PCDHA9: variants seen among roughly 807,000 people sequenced by gnomAD.
The protein encoded by PCDHA9 is protocadherin alpha-9.
A neutral mutation model predicts 62.0 loss-of-function variants in PCDHA9; 62 were observed. The ratio of observed to expected loss-of-function variants is 1.00; its 90% CI spans 0.81 to 1.23. PCDHA9 has a LOEUF of 1.23. PCDHA9 is among the 50% of genes most tolerant of loss of function. The pLI, the probability that PCDHA9 is intolerant of heterozygous loss-of-function variation, is 0.00. For synonymous variants in PCDHA9, 557 were observed against 567.6 expected, an observed-to-expected ratio of 0.98 and a Z score of 0.27; for missense variants, 1,205 against 1,249.8, an observed-to-expected ratio of 0.96 and a Z score of 0.54.
chr5:140,873,837 T>C (rs554313859), intron 1 of PCDHA9, among the ~76,000 whole-genome samples: 1 of 152,210 alleles, frequency 6.6e-6, no homozygotes, highest in South Asian at 2.1e-4. Context: ...ATTTTTGTAT[T>C]TTTAGTAGAG....
chr5:140,858,616 T>G (rs1562539811), intron 1 of PCDHA9: 1 of 1,182,404 alleles, frequency 8.5e-7, no homozygotes, highest in Non-Finnish European at 1.2e-6. Context: ...TTTTTTATCC[T>G]ACCCAGTGTG....
At chr5:140,917,335 G>GGGGGGGGGGT in intron 1 of PCDHA9, among the ~76,000 whole-genome samples, 2 of 146,518 alleles carry the variant, frequency 1.4e-5, no homozygotes, top group Non-Finnish European at 3.1e-5. Flanking sequence ...GGGGGAGGGG[G>GGGGGGGGGGT]GGGATGGTGT....
chr5:140,972,854 G>A (rs895738831), intron 1 of PCDHA9, among the ~76,000 whole-genome samples: 4 of 151,946 alleles, frequency 2.6e-5, no homozygotes, highest in Non-Finnish European at 4.4e-5. Flanking sequence ...AGTAGAGATG[G>A]GGTTTCATCA....
chr5:140,862,449 G>A (rs904755604), intron 1 of PCDHA9: 31 of 364,384 alleles, frequency 8.5e-5, no homozygotes, highest in African/African-American at 6.4e-4. Context: ...ACTCCACAGC[G>A]CCCTGGACCA....
At chr5:140,976,310 G>A (rs1216220776) in intron 1 of PCDHA9, among the ~76,000 whole-genome samples, 1 of 152,036 alleles carries the variant, frequency 6.6e-6, no homozygotes, top group African/African-American at 2.4e-5. Context: ...CAGCACTTTG[G>A]GAGGCCGAGG....
At chr5:140,975,940 G>A (rs562983011) in intron 1 of PCDHA9, among the ~76,000 whole-genome samples, 1 of 152,216 alleles carries the variant, frequency 6.6e-6, no homozygotes, top group Admixed American at 6.5e-5. Flanking sequence ...TGAAGCAATA[G>A]GACATATTAG....
At chr5:140,874,310 T>G (rs1466164009) in intron 1 of PCDHA9, among the ~76,000 whole-genome samples, 1 of 151,992 alleles carries the variant, frequency 6.6e-6, no homozygotes, top group Non-Finnish European at 1.5e-5. Context: ...TCACAATGAG[T>G]TGTAGGATCT....
chr5:140,966,514 A>G (rs2096013065), intron 1 of PCDHA9: 1 of 434,820 alleles, frequency 2.3e-6, no homozygotes, highest in Non-Finnish European at 4.0e-6. Flanking sequence ...CAGCAGCAGC[A>G]GGAAGCCGAG....
chr5:140,917,039 A>G (rs1279228933), intron 1 of PCDHA9, among the ~76,000 whole-genome samples: 1 of 152,132 alleles, frequency 6.6e-6, no homozygotes, highest in African/African-American at 2.4e-5. Flanking sequence ...TGAGTCCAGC[A>G]CAGTGTTGTT....
chr5:140,944,334 C>T (rs547924304), intron 1 of PCDHA9, among the ~76,000 whole-genome samples: 131 of 152,138 alleles, frequency 8.6e-4, no homozygotes, highest in African/African-American at 3.0e-3. Flanking sequence ...ATTACAAGCA[C>T]GTGCCACCAC....
At chr5:140,894,503 T>C (rs934592222) in intron 1 of PCDHA9, among the ~76,000 whole-genome samples, 1 of 152,016 alleles carries the variant, frequency 6.6e-6, no homozygotes. Context: ...TTAGGCATTA[T>C]CCATAGTGTT....
chr5:140,871,919 A>G (rs1434717967), intron 1 of PCDHA9, among the ~76,000 whole-genome samples: 1 of 152,216 alleles, frequency 6.6e-6, no homozygotes, highest in African/African-American at 2.4e-5. Context: ...TGATATTTCC[A>G]CATTGTTAGA....
chr5:140,898,711 T>A (rs1280268769), intron 1 of PCDHA9, among the ~76,000 whole-genome samples: 2 of 152,226 alleles, frequency 1.3e-5, no homozygotes, highest in Non-Finnish European at 2.9e-5. Flanking sequence ...AAGTAGTTTT[T>A]TCCAATTCTG....
chr5:140,912,359 G>A (rs1483575347), intron 1 of PCDHA9, among the ~76,000 whole-genome samples: 1 of 131,950 alleles, frequency 7.6e-6, no homozygotes, highest in Non-Finnish European at 1.6e-5. Context: ...TTTTTTTTTT[G>A]CAGCTGTTGT....
intron 1 of PCDHA9, among the ~76,000 whole-genome samples, chr5:140,887,801 G>C (rs1377550372): frequency 1.3e-5 from 2 of 151,856 alleles, no homozygotes; most frequent in Admixed American, 1.3e-4. Context: ...CTTTATTTTT[G>C]TCCATTTCTT....
At chr5:140,884,193 C>T (rs1554181316) in intron 1 of PCDHA9, 2 of 1,613,432 alleles carry the variant, frequency 1.2e-6, no homozygotes, top group African/African-American at 1.3e-5. Flanking sequence ...GAGGTGGACG[C>T]GCCGCACCAC....
At chr5:140,887,130 T>C (rs1164233833) in intron 1 of PCDHA9, among the ~76,000 whole-genome samples, 1 of 151,716 alleles carries the variant, frequency 6.6e-6, no homozygotes, top group African/African-American at 2.4e-5. Context: ...GGAGTCTCAC[T>C]CTGTCGCCCA....
At chr5:140,968,877 T>A in intron 1 of PCDHA9, 1 of 1,614,226 alleles carries the variant, frequency 6.2e-7, no homozygotes, top group South Asian at 1.1e-5. Flanking sequence ...TACTCTGAAA[T>A]TACCCTTTAT....
chr5:140,896,386 C>T (rs575002506), intron 1 of PCDHA9, among the ~76,000 whole-genome samples: 1 of 152,124 alleles, frequency 6.6e-6, no homozygotes, highest in African/African-American at 2.4e-5. Context: ...TGCAACCTCA[C>T]CAGCATCTGT....
Sources: gnomAD v4.1 joint callset for allele counts (sites outside exome capture counted in the v4.1 genomes callset) on GRCh38, gnomAD v4.1.1 for gene constraint, MANE v1.5 for transcripts, NCBI Gene and HGNC (gene_info 2026-07-23, HGNC 2026-07-21) for gene names.